FLYWCH2: variants seen among roughly 807,000 people sequenced by gnomAD.
FLYWCH2 encodes the protein FLYWCH family member 2.
In FLYWCH2, 2 loss-of-function variants were observed where a neutral mutation model predicts 6.0. The observed-to-expected ratio is 0.33, with a 90% confidence interval of 0.14 to 1.04. The LOEUF is 1.04. FLYWCH2 is among the 50% of genes least tolerant of loss of function. The pLI, the probability that FLYWCH2 is intolerant of heterozygous loss-of-function variation, is 0.45. For missense variants in FLYWCH2, 192 were observed against 183.4 expected, an observed-to-expected ratio of 1.05 and a Z score of -0.27; for synonymous variants, 87 against 79.3, an observed-to-expected ratio of 1.10 and a Z score of -0.52.
chr16:2,893,848 C>G (rs1210401606), intron 1 of FLYWCH2, among the ~76,000 whole-genome samples: 1 of 151,870 alleles, frequency 6.6e-6, no homozygotes, highest in Non-Finnish European at 1.5e-5. Flanking sequence ...ACATGTTAGC[C>G]AGGATGGTCT....
intron 2 of FLYWCH2, among the ~76,000 whole-genome samples, chr16:2,896,052 TG>T (rs1381948257): frequency 6.6e-6 from 1 of 152,222 alleles, no homozygotes; most frequent in East Asian, 1.9e-4. Context: ...GCTCAGCATG[TG>T]GGAGGCCCAT....
intron 2 of FLYWCH2, among the ~76,000 whole-genome samples, chr16:2,895,655 T>C (rs2069811074): frequency 6.6e-6 from 1 of 152,168 alleles, no homozygotes; most frequent in African/African-American, 2.4e-5. Context: ...CAGAGGAGCA[T>C]GTGGGCCTTC....
intron 1 of FLYWCH2, among the ~76,000 whole-genome samples, chr16:2,884,601 G>A (rs1326086680): frequency 7.2e-6 from 1 of 138,688 alleles, no homozygotes; most frequent in African/African-American, 2.6e-5. Flanking sequence ...CGGGGCCGGC[G>A]CGGTGGCTCA....
At chr16:2,891,556 C>T (rs988536649) in intron 1 of FLYWCH2, among the ~76,000 whole-genome samples, 7 of 152,096 alleles carry the variant, frequency 4.6e-5, no homozygotes, top group Non-Finnish European at 8.8e-5. Context: ...AGGCGCCCGC[C>T]ACCACGCCCG....
In FLYWCH2 at chr16:2,896,427, A is replaced by C; in HGVS notation, c.-23A>C. 1.3e-6 allele frequency: 2 copies of C among 1,592,824 alleles called. No homozygotes were observed. Among genetic ancestry groups the C allele is most frequent in the East Asian group, 4.5e-5 (2 of 44,714 alleles). ...CCTGCTGGGGGCTGAGTGTGGCCTG[A>C]GGGACAGGCCCTGGGTCCCGGGATG... On this transcript the variant is annotated 5_prime_UTR_variant, in exon 3 of 4. Coordinates refer to ENST00000396958, the MANE Select transcript of FLYWCH2 (RefSeq NM_138439.3).
chr16:2,888,540 A>C (rs1362702640), intron 1 of FLYWCH2, among the ~76,000 whole-genome samples: 6 of 150,294 alleles, frequency 4.0e-5, no homozygotes, highest in Non-Finnish European at 7.4e-5. Flanking sequence ...TCAATGTCAG[A>C]AGTGTTGTCA....
intron 1 of FLYWCH2, among the ~76,000 whole-genome samples, chr16:2,889,239 C>G (rs1596336336): frequency 7.5e-6 from 1 of 133,716 alleles, no homozygotes; most frequent in Non-Finnish European, 1.5e-5. Flanking sequence ...GAGACGGAGT[C>G]TCGCTCTGTC....
Position 2,896,384 on chromosome 16 carries a change from G to A in FLYWCH2, c.-66G>A. On this transcript the variant is annotated 5_prime_UTR_variant, in exon 3 of 4. Coordinates refer to ENST00000396958, the MANE Select transcript of FLYWCH2 (RefSeq NM_138439.3). Reference sequence around the variant, plus strand: ...CCGCTGGACTCCAGGTTCCTTGCCTGGGAGTAGGAGAAATCCACCTGCTGG... The same window carrying A: ...CCGCTGGACTCCAGGTTCCTTGCCTAGGAGTAGGAGAAATCCACCTGCTGG... 1 of 1,515,656 alleles carries A rather than the reference G, an allele frequency of 6.6e-7. No homozygotes were observed. 93.9% of individuals were successfully genotyped at this position (1,515,656 alleles called of 1,614,324 possible). A position where few individuals can be genotyped will look rare whatever the true frequency, so the allele number is the denominator to read the frequency against.
chr16:2,884,570 A>G (rs1401006756), intron 1 of FLYWCH2, among the ~76,000 whole-genome samples: 1 of 146,662 alleles, frequency 6.8e-6, no homozygotes, highest in Non-Finnish European at 1.5e-5. Context: ...AAAAAAAAAA[A>G]AAAAAAATAC....
intron 3 of FLYWCH2, 185 bp downstream of exon 3, chr16:2,896,956 C>A: frequency 1.6e-6 from 1 of 636,432 alleles, no homozygotes; most frequent in Non-Finnish European, 2.7e-6. Flanking sequence ...ACCTCCAACC[C>A]TGCCTCTGAG....
intron 1 of FLYWCH2, among the ~76,000 whole-genome samples, chr16:2,892,223 G>A (rs1192374121): frequency 6.0e-5 from 9 of 150,040 alleles, no homozygotes; most frequent in Admixed American, 5.3e-4. Context: ...GGCCAGGTGT[G>A]GTAGCTCATG....
chr16:2,890,558 G>C (rs2069745486), intron 1 of FLYWCH2, among the ~76,000 whole-genome samples: 1 of 151,802 alleles, frequency 6.6e-6, no homozygotes, highest in African/African-American at 2.4e-5. Context: ...GGGATTACAG[G>C]CGCCTGCCAC....
intron 2 of FLYWCH2, among the ~76,000 whole-genome samples, chr16:2,895,644 G>A (rs528984140): frequency 2.6e-5 from 4 of 152,348 alleles, no homozygotes; most frequent in African/African-American, 7.2e-5. Context: ...GAACCAACGA[G>A]CAGAGGAGCA....
In FLYWCH2 at chr16:2,899,142, C is replaced by A; in HGVS notation, c.416C>A (p.Ser139Tyr). The A allele has an allele frequency of 2.5e-6, 4 of 1,612,634 alleles. No homozygotes were observed. Among genetic ancestry groups the A allele is most frequent in the Non-Finnish European group, 2.5e-6 (3 of 1,179,334 alleles). The change falls in exon 4 of 4, where the codon TCC becomes TAC. Residue 139 changes from serine (S) to tyrosine (Y), a missense_variant. Coordinates refer to ENST00000396958, the MANE Select transcript of FLYWCH2 (RefSeq NM_138439.3). The part of the protein sequence containing the change: ...FAPCSVAPGK[S>Y]L ...CCCTGCTCTGTGGCGCCCGGCAAGT[C>A]CCTGTAACCTTGACAACAGGCGCAT...
intron 3 of FLYWCH2, among the ~76,000 whole-genome samples, chr16:2,897,250 G>A (rs948281682): frequency 6.6e-6 from 1 of 152,102 alleles, no homozygotes; most frequent in African/African-American, 2.4e-5. Context: ...CTCGAGTCAC[G>A]CAGGATGAGA....
chr16:2,888,520 A>T (rs2150844434), intron 1 of FLYWCH2, among the ~76,000 whole-genome samples: 1 of 149,130 alleles, frequency 6.7e-6, no homozygotes, highest in African/African-American at 2.5e-5. Flanking sequence ...TGGAATTAAG[A>T]ATCTATAGAT....
At chr16:2,894,304 A>G (rs1246083491) in intron 1 of FLYWCH2, among the ~76,000 whole-genome samples, 1 of 152,146 alleles carries the variant, frequency 6.6e-6, no homozygotes, top group Non-Finnish European at 1.5e-5. Flanking sequence ...GGCAGAACCG[A>G]CACGGCGGGA....
chr16:2,884,519 G>C (rs2069674225), intron 1 of FLYWCH2, among the ~76,000 whole-genome samples: 2 of 116,020 alleles, frequency 1.7e-5, no homozygotes, highest in Admixed American at 2.2e-4. Flanking sequence ...TCAGGAGATA[G>C]AGACCATTCT....
chr16:2,889,565 A>T (rs9926873), intron 1 of FLYWCH2, among the ~76,000 whole-genome samples: 61,734 of 149,406 alleles, frequency 0.41, 12,894 homozygotes, highest in Non-Finnish European at 0.45. Flanking sequence ...AAAAAAAAAC[A>T]ACCTGAAAAA....
Sources: allele counts gnomAD v4.1 joint callset (sites outside exome capture counted in the v4.1 genomes callset), GRCh38; gene constraint gnomAD v4.1.1; transcripts MANE v1.5; gene names NCBI Gene and HGNC (gene_info 2026-07-23, HGNC 2026-07-21).